The following PLD1 variants were observed in gnomAD, a reference collection of about 807,000 sequenced individuals.
The protein encoded by PLD1 is phospholipase D1, also known as choline phosphatase 1.
Under a neutral mutation model 137.1 loss-of-function variants are expected in PLD1, and 112 were observed. The ratio of observed to expected loss-of-function variants is 0.82; its 90% CI spans 0.70 to 0.96. The LOEUF is 0.96. Ranked by LOEUF, PLD1 falls within the 40% of genes least tolerant of loss-of-function variation. PLD1 has a pLI of 0.00. For missense variants in PLD1, 1,321 were observed against 1,342.0 expected (o/e 0.98, Z 0.24); for synonymous variants, 431 against 454.7 (o/e 0.95, Z 0.66).
Position 171,787,656 on chromosome 3 carries a change from T to C in PLD1, c.-32+22743A>G, listed in dbSNP as rs568474957. On this transcript the variant is annotated intron_variant, in intron 1 of 26. Coordinates refer to ENST00000351298, the MANE Select transcript of PLD1 (RefSeq NM_002662.5). Reference sequence around the variant, plus strand: ...ATTTTTCCCTTGTTAATATTCATGGTATGGTGTGGTATGTGTATGTGTGTT... The same window carrying C: ...ATTTTTCCCTTGTTAATATTCATGGCATGGTGTGGTATGTGTATGTGTGTT... 5.3e-5 allele frequency among the ~76,000 whole-genome samples: 8 copies of C among 152,234 alleles called. No homozygotes were observed. In the South Asian group the frequency reaches 1.7e-3, roughly 32 times the overall value.
At chr3:171,648,751 T>TC (rs1262610125) in intron 21 of PLD1, among the ~76,000 whole-genome samples, 22 of 152,154 alleles carry the variant, frequency 1.4e-4, no homozygotes, top group African/African-American at 4.8e-4. Context: ...AGACGGGGTT[T>TC]CACCGTGTTA....
At chr3:171,620,769 T>TATTATATATATATATATA (rs1491299107) in intron 23 of PLD1, among the ~76,000 whole-genome samples, 3 of 88,536 alleles carry the variant, frequency 3.4e-5, no homozygotes, top group Admixed American at 3.2e-4. Context: ...TATATATATA[T>TATTATATATATATATATA]TATATATATT....
In PLD1 at chr3:171,604,443, A is replaced by T. The variant is rs569392089; in HGVS notation, c.3000+856T>A. Among the ~76,000 whole-genome samples, 18 of 152,058 alleles carry T rather than the reference A, an allele frequency of 1.2e-4. No homozygotes were observed. The South Asian group carries it at 3.3e-3, about 28-fold the overall frequency. ...AAGAGAAAAATTGCGTATTTTCCCT[A>T]ATTTTTTTTTTTAAAGAGGTTCACG... On this transcript the variant is annotated intron_variant, in intron 26 of 26. Transcript: ENST00000351298.
intron 23 of PLD1, among the ~76,000 whole-genome samples, chr3:171,623,673 G>A (rs1288080196): frequency 2.0e-5 from 3 of 151,980 alleles, no homozygotes; most frequent in Non-Finnish European, 4.4e-5. Context: ...TTAAAACAGT[G>A]CAGATCTAGC....
At chr3:171,644,209 T>A (rs1158622650) in intron 22 of PLD1, among the ~76,000 whole-genome samples, 1 of 152,168 alleles carries the variant, frequency 6.6e-6, no homozygotes, top group African/African-American at 2.4e-5. Context: ...TAAGTGACCC[T>A]GAGAGAAGGT....
In PLD1 at chr3:171,695,583, A is replaced by C. The variant is rs79939713; in HGVS notation, c.1228-3141T>G. 4.6e-3 allele frequency among the ~76,000 whole-genome samples: 703 copies of C among 152,364 alleles called. 3 individuals carry two copies. The highest frequency in any genetic ancestry group is 0.016 in the African/African-American group (679 of 41,582). ...AATCTTTAGGAGCTTTAGATATTCA[A>C]ACTACATGGGAAGACAATGAAAAGA... On this transcript the variant is annotated intron_variant, in intron 12 of 26. Coordinates refer to ENST00000351298, the MANE Select transcript of PLD1 (RefSeq NM_002662.5).
intron 1 of PLD1, among the ~76,000 whole-genome samples, chr3:171,787,408 T>A (rs1268992209): frequency 6.6e-6 from 1 of 151,588 alleles, no homozygotes; most frequent in Non-Finnish European, 1.5e-5. Context: ...CAATGCCTTC[T>A]TTTTTTTTCA....
chr3:171,617,509 T>C (rs1056868319), intron 24 of PLD1, among the ~76,000 whole-genome samples: 1 of 150,078 alleles, frequency 6.7e-6, no homozygotes, highest in Admixed American at 6.7e-5. Flanking sequence ...CATCTCTCTA[T>C]TGTGCTTTGC....
chr3:171,673,790 T>C (rs1186642232), intron 19 of PLD1, among the ~76,000 whole-genome samples: 1 of 152,200 alleles, frequency 6.6e-6, no homozygotes, highest in Non-Finnish European at 1.5e-5. Context: ...ACTTAAACAA[T>C]TCTTCTGATG....
chr3:171,641,855 C>T (rs554400887), intron 23 of PLD1, among the ~76,000 whole-genome samples: 17 of 152,246 alleles, frequency 1.1e-4, no homozygotes, highest in Admixed American at 6.5e-4. Context: ...GAATTTGCTC[C>T]AGGGGCTCAG....
At chr3:171,739,370 G>A (rs1168556069) in intron 1 of PLD1, among the ~76,000 whole-genome samples, 1 of 152,096 alleles carries the variant, frequency 6.6e-6, no homozygotes, top group East Asian at 1.9e-4. Flanking sequence ...TTCAAAAATG[G>A]GAGCGAAGGA....
intron 11 of PLD1, among the ~76,000 whole-genome samples, chr3:171,700,332 A>ACT (rs935272964): frequency 1.4e-5 from 2 of 138,452 alleles, no homozygotes; most frequent in African/African-American, 5.6e-5. Context: ...ACACACACAC[A>ACT]CACTCTCTCT....
At chr3:171,739,285 C>T (rs934682086) in intron 1 of PLD1, among the ~76,000 whole-genome samples, 1 of 152,216 alleles carries the variant, frequency 6.6e-6, no homozygotes, top group Admixed American at 6.5e-5. Flanking sequence ...CAAACTTACA[C>T]AGCCCTTATT....
At chr3:171,765,473 G>A (rs1000238396) in intron 1 of PLD1, 10 of 152,152 alleles carry the variant, frequency 6.6e-5, no homozygotes, top group Admixed American at 6.5e-5. Context: ...TCTGAATGGT[G>A]TTAGCTTTGA....
chr3:171,685,250 G>C (rs1018406779), intron 16 of PLD1, among the ~76,000 whole-genome samples: 1 of 152,138 alleles, frequency 6.6e-6, no homozygotes, highest in South Asian at 2.1e-4. Context: ...CTAGATGAAA[G>C]AATGCTGGGA....
chr3:171,713,584 G>T (rs1367931262), intron 9 of PLD1, among the ~76,000 whole-genome samples: 1 of 152,174 alleles, frequency 6.6e-6, no homozygotes, highest in East Asian at 1.9e-4. Context: ...TAAAGTAAAA[G>T]TTTCATTTAT....
chr3:171,657,844 C>G (rs1244024213), intron 21 of PLD1, among the ~76,000 whole-genome samples: 1 of 151,838 alleles, frequency 6.6e-6, no homozygotes, highest in Non-Finnish European at 1.5e-5. Context: ...ATTTCTGTTT[C>G]AAATGACACC....
At chr3:171,618,724 G>A (rs781691259) in intron 24 of PLD1, among the ~76,000 whole-genome samples, 12 of 99,426 alleles carry the variant, frequency 1.2e-4, no homozygotes, top group African/African-American at 3.0e-4. Context: ...GTGTGTATGT[G>A]TGTGTGTGTG....
In PLD1 at chr3:171,676,541, CT is replaced by C. The variant is rs3214830; in HGVS notation, c.2115+173del. Among the ~76,000 whole-genome samples, 26,815 of 151,216 alleles carry C rather than the reference CT, an allele frequency of 0.18. 2,494 individuals are homozygous for C. Among genetic ancestry groups the C allele is most frequent in the South Asian group, 0.24 (1,134 of 4,776 alleles). On this transcript the variant is annotated intron_variant, in intron 18 of 26. Transcript: ENST00000351298. The stretch of plus-strand genomic sequence containing the variant: ...GGTGTGGACATTCGGGAATGTTTCC[CT>C]TTTTTTTTGCCCAGATGCCCAGGCA...
Sources: gnomAD v4.1 joint callset for allele counts (sites outside exome capture counted in the v4.1 genomes callset) on GRCh38, gnomAD v4.1.1 for gene constraint, MANE v1.5 for transcripts, NCBI Gene and HGNC (gene_info 2026-07-23, HGNC 2026-07-21) for gene names.